SORCS2: variants seen among roughly 807,000 people sequenced by gnomAD.
SORCS2 encodes the protein sortilin related VPS10 domain containing receptor 2, also known as VPS10 domain-containing receptor SorCS2.
Under a neutral mutation model 141.6 loss-of-function variants are expected in SORCS2, and 100 were observed. The observed-to-expected ratio is 0.71, with a 90% CI of 0.60 to 0.83. SORCS2 has a LOEUF of 0.83. Among genes scored for constraint, SORCS2 ranks in the 40% least tolerant of loss-of-function variants. The pLI is 0.00. For synonymous variants in SORCS2, 789 were observed against 676.9 expected (o/e 1.17, Z -2.57); for missense variants, 1,646 against 1,560.2 (o/e 1.05, Z -0.93).
intron 1 of SORCS2, among the ~76,000 whole-genome samples, chr4:7,296,039 G>C (rs115923649): frequency 0.016 from 2,419 of 152,308 alleles, 61 homozygotes; most frequent in African/African-American, 0.054. Context: ...CTGGGGGTCC[G>C]TGCTGGGGGC....
At chr4:7,670,913 C>T (rs558495833) in intron 8 of SORCS2, among the ~76,000 whole-genome samples, 4 of 152,312 alleles carry the variant, frequency 2.6e-5, no homozygotes, top group African/African-American at 9.6e-5. Context: ...GATACCCAGA[C>T]AAGCAGTCAT....
intron 1 of SORCS2, among the ~76,000 whole-genome samples, chr4:7,195,585 A>G (rs1251634014): frequency 6.6e-6 from 1 of 152,222 alleles, no homozygotes; most frequent in African/African-American, 2.4e-5. Flanking sequence ...GAAAACTCAG[A>G]AGAGGCAAGA....
intron 8 of SORCS2, among the ~76,000 whole-genome samples, chr4:7,672,832 G>A (rs1218318238): frequency 6.6e-6 from 1 of 152,150 alleles, no homozygotes; most frequent in East Asian, 1.9e-4. Flanking sequence ...GTAAAATCTA[G>A]CCAGTGAGAT....
chr4:7,552,673 G>T (rs1202627319), intron 3 of SORCS2, among the ~76,000 whole-genome samples: 1 of 152,190 alleles, frequency 6.6e-6, no homozygotes. Context: ...GGCCGTGGCT[G>T]CCCTCAGTGG....
intron 2 of SORCS2, among the ~76,000 whole-genome samples, chr4:7,437,158 A>T (rs1380168623): frequency 6.6e-6 from 1 of 152,156 alleles, no homozygotes; most frequent in Non-Finnish European, 1.5e-5. Flanking sequence ...TGTAGATGCT[A>T]ATAATCACAG....
chr4:7,736,166 T>TGGGCA (rs1712151145), intron 25 of SORCS2, among the ~76,000 whole-genome samples: 1 of 152,358 alleles, frequency 6.6e-6, no homozygotes, highest in African/African-American at 2.4e-5. Flanking sequence ...AGGGCTGGGC[T>TGGGCA]GGGCAGCACT....
At chr4:7,395,160 G>A (rs117281783) in intron 1 of SORCS2, among the ~76,000 whole-genome samples, 5 of 140,650 alleles carry the variant, frequency 3.6e-5, no homozygotes, top group African/African-American at 5.4e-5. Flanking sequence ...GTCCCATCTC[G>A]GGCAACAGCC....
intron 2 of SORCS2, among the ~76,000 whole-genome samples, chr4:7,437,914 T>C (rs1036869870): frequency 8.5e-5 from 13 of 152,194 alleles, no homozygotes; most frequent in Admixed American, 2.6e-4. Flanking sequence ...CACACATGTA[T>C]ATATTTGCAC....
At chr4:7,471,254 T>C (rs1253190148) in intron 2 of SORCS2, among the ~76,000 whole-genome samples, 2 of 152,218 alleles carry the variant, frequency 1.3e-5, no homozygotes, top group African/African-American at 4.8e-5. Flanking sequence ...CCTCGCGCAA[T>C]GCCATCTTCA....
intron 3 of SORCS2, among the ~76,000 whole-genome samples, chr4:7,583,620 T>C (rs555708234): frequency 3.3e-5 from 5 of 152,352 alleles, no homozygotes; most frequent in East Asian, 3.9e-4. Context: ...CAAGATCTGA[T>C]GGTTTTATGA....
chr4:7,390,952 C>A (rs529217108), intron 1 of SORCS2, among the ~76,000 whole-genome samples: 2 of 152,150 alleles, frequency 1.3e-5, no homozygotes, highest in South Asian at 2.1e-4. Flanking sequence ...AACTCAGAAA[C>A]GTGCCAGTGA....
intron 3 of SORCS2, among the ~76,000 whole-genome samples, chr4:7,563,675 C>G (rs1325484101): frequency 1.3e-5 from 2 of 152,210 alleles, no homozygotes; most frequent in Admixed American, 1.3e-4. Context: ...CTCACTGACT[C>G]TAATACACAG....
intron 1 of SORCS2, among the ~76,000 whole-genome samples, chr4:7,263,215 G>A (rs1407678527): frequency 6.6e-6 from 1 of 152,172 alleles, no homozygotes; most frequent in Non-Finnish European, 1.5e-5. Context: ...AATGACGGTT[G>A]TATTAGTAAT....
chr4:7,723,109 G>A (rs767439949), intron 18 of SORCS2, among the ~76,000 whole-genome samples: 10 of 152,128 alleles, frequency 6.6e-5, no homozygotes, highest in South Asian at 2.1e-4. Flanking sequence ...TGGGTGACTC[G>A]GTGCCACGCG....
chr4:7,278,239 C>T (rs1431886812), intron 1 of SORCS2, among the ~76,000 whole-genome samples: 1 of 152,198 alleles, frequency 6.6e-6, no homozygotes, highest in African/African-American at 2.4e-5. Flanking sequence ...ATCACAGCCT[C>T]TAACATGGGC....
intron 1 of SORCS2, among the ~76,000 whole-genome samples, chr4:7,320,224 A>G (rs1431383015): frequency 1.3e-5 from 2 of 152,256 alleles, no homozygotes; most frequent in African/African-American, 4.8e-5. Context: ...GGTTAGAATT[A>G]AACTGATAAT....
chr4:7,641,728 C>G (rs1366684629), intron 4 of SORCS2, among the ~76,000 whole-genome samples: 1 of 149,692 alleles, frequency 6.7e-6, no homozygotes, highest in Non-Finnish European at 1.5e-5. Context: ...GAGGGATGGA[C>G]AGATGAATAA....
At chr4:7,343,487 G>A (rs1450350658) in intron 1 of SORCS2, among the ~76,000 whole-genome samples, 2 of 152,216 alleles carry the variant, frequency 1.3e-5, no homozygotes, top group East Asian at 1.9e-4. Context: ...GGTTCAGCAC[G>A]GGAAGGGCTT....
intron 4 of SORCS2, among the ~76,000 whole-genome samples, chr4:7,651,560 G>C (rs752198439): frequency 6.6e-6 from 1 of 152,204 alleles, no homozygotes; most frequent in Non-Finnish European, 1.5e-5. Flanking sequence ...GGATGGCACC[G>C]TGCCCAAGAG....
Sources: gnomAD v4.1 joint callset for allele counts (sites outside exome capture counted in the v4.1 genomes callset) on GRCh38, gnomAD v4.1.1 for gene constraint, MANE v1.5 for transcripts, NCBI Gene and HGNC (gene_info 2026-07-23, HGNC 2026-07-21) for gene names.